GH2: variants seen among roughly 807,000 people sequenced by gnomAD.
GH2 encodes growth hormone 2, also known as growth hormone variant.
A neutral mutation model predicts 24.1 loss-of-function variants in GH2; 17 were observed. That is an observed-to-expected ratio of 0.71 (90% CI 0.48 to 1.06). GH2 has a LOEUF of 1.06. Ranked by LOEUF, GH2 falls within the 50% of genes least tolerant of loss-of-function variation. The pLI, the probability that GH2 is intolerant of heterozygous loss-of-function variation, is 0.00. For missense variants in GH2, 305 were observed against 273.1 expected, an observed-to-expected ratio of 1.12 and a Z score of -0.82; for synonymous variants, 126 against 118.7, an observed-to-expected ratio of 1.06 and a Z score of -0.40.
chr17:63,880,596 C>G (rs542714346), intron 4 of GH2, 78 bp from the exon 5 acceptor site: 1 of 1,613,916 alleles, frequency 6.2e-7, no homozygotes, highest in Admixed American at 1.7e-5. Context: ...CCATTTTCCT[C>G]CCTCCCCTCC....
rs561876872 is a variant in GH2 at position 63,881,840 on chromosome 17, C to G, written c.-39G>C. 1.9e-6 allele frequency: 3 copies of G among 1,613,686 alleles called. No individual in the cohort carries two copies. The highest frequency in any genetic ancestry group is 3.3e-5 in the Admixed American group (2 of 59,996). On this transcript the variant is annotated 5_prime_UTR_variant, in exon 1 of 5. Coordinates refer to ENST00000423893, the MANE Select transcript of GH2 (RefSeq NM_002059.5). ...GCTGTCCACAGGACCCTGAGTGGTT[C>G]GGGGAGTTGGGCCTTGGGATCCTTG...
Position 63,881,818 on chromosome 17 carries a change from G to A in GH2, c.-17C>T. On this transcript the variant is annotated 5_prime_UTR_variant, in exon 1 of 5. Transcript: ENST00000423893. ...TGCAGCCATTGCCGCTAGGTGAGCT[G>A]TCCACAGGACCCTGAGTGGTTCGGG... is the stretch of plus-strand genomic sequence containing the variant. 6.2e-7 allele frequency: 1 copy of A among 1,613,684 alleles called. No individual in the cohort carries two copies. The highest frequency in any genetic ancestry group is 8.5e-7 in the Non-Finnish European group (1 of 1,179,782).
In GH2 at chr17:63,881,938, C is replaced by T. The variant is rs978685297; in HGVS notation, c.-137G>A. 5.7e-5 allele frequency: 90 copies of T among 1,587,356 alleles called. 1 individual carries two copies. The highest frequency in any genetic ancestry group is 7.3e-5 in the Non-Finnish European group (85 of 1,165,750). On this transcript the variant is annotated 5_prime_UTR_variant, in exon 1 of 5. An upstream start codon of the reference 5' UTR is lost. Transcript: ENST00000423893. ...CTGCTTCTCCTCACCTGTTTCTCTG[C>T]ATGTTTAGGCCTGGGGCCACTGACG...
At position 63,880,630 on chromosome 17, in the gene GH2, G is replaced by A. The variant is rs139959045; in HGVS notation, c.457-112C>T. On this transcript the variant is annotated intron_variant, in intron 4 of 4. Transcript: ENST00000423893. ...CCAGGTTGTAGAGAAAGGCCTGGAGGATTCACGAGGGGAAATGAAGAATAC... is the reference window on the plus strand; with the variant it reads ...CCAGGTTGTAGAGAAAGGCCTGGAGAATTCACGAGGGGAAATGAAGAATAC... The A allele has an allele frequency of 4.9e-4, 796 of 1,614,004 alleles. 6 individuals carry two copies. The Middle Eastern group carries it at 6.4e-3, about 13-fold the overall frequency.
chr17:63,880,841 A>G lies in GH2; in HGVS notation c.387T>C (p.Tyr129=), dbSNP rs752745812. The change falls in exon 4 of 5, where the codon TAT becomes TAC. Residue 129 remains tyrosine (Y), a synonymous_variant. Coordinates refer to ENST00000423893, the MANE Select transcript of GH2 (RefSeq NM_002059.5). Reference sequence around the variant, plus strand: ...GATAGACGTTGCTGTCCGAGGCGCCATACACCAGGCTGTTGGCGAAGACGC... The same window carrying G: ...GATAGACGTTGCTGTCCGAGGCGCCGTACACCAGGCTGTTGGCGAAGACGC... The part of the protein sequence containing the change: ...LRSVFANSLV[Y]GASDSNVYRH... 1.6e-5 allele frequency: 26 copies of G among 1,613,940 alleles called. 1 individual carries two copies. The highest frequency in any genetic ancestry group is 1.3e-4 in the East Asian group (6 of 44,894).
rs747299084 is a variant in GH2 at position 63,881,513 on chromosome 17, C to T, written c.17G>A (p.Arg6Gln). Reference protein sequence around the residue: MAAGSRTSLLLAFGLL... With the variant: MAAGSQTSLLLAFGLL... Reference sequence around the variant, plus strand: ...GCCAAAAGCCAGGAGCAGGGACGTCCGGGAGCCTGGGGAGAAACCGGAGGG... The same window carrying T: ...GCCAAAAGCCAGGAGCAGGGACGTCTGGGAGCCTGGGGAGAAACCGGAGGG... Residue 6 changes from arginine to glutamine, a missense_variant, in exon 2 of 5, where the codon CGG becomes CAG. Arg to Gln is a conservative substitution (Grantham distance 43, BLOSUM62 1). Transcript: ENST00000423893. The T allele has an allele frequency of 5.0e-6, 8 of 1,613,674 alleles. No individual in the cohort carries two copies. The highest frequency in any genetic ancestry group is 2.2e-5 in the East Asian group (1 of 44,884).
In GH2 at chr17:63,881,352, A is replaced by G; in HGVS notation, c.171+7T>C. 1 of 1,613,884 alleles carries G rather than the reference A, an allele frequency of 6.2e-7. No homozygotes were observed. Among genetic ancestry groups the G allele is most frequent in the Non-Finnish European group, 8.5e-7 (1 of 1,179,862 alleles). On this transcript the variant is annotated splice_region_variant and intron_variant, in intron 2 of 4. Coordinates refer to ENST00000423893, the MANE Select transcript of GH2 (RefSeq NM_002059.5). ...CTCTGAAGCGCACCCATTACCCAAG[A>G]GCTTACAAACTCCTGATAGGTGTCA...
rs575109957 is a variant in GH2, at chr17:63,881,509, C to T, written c.21G>A (p.Thr7=). 3.9e-4 allele frequency: 630 copies of T among 1,613,824 alleles called. 7 individuals are homozygous for T. In the South Asian group the frequency reaches 6.1e-3, roughly 16 times the overall value. ...GCAGGCCAAAAGCCAGGAGCAGGGACGTCCGGGAGCCTGGGGAGAAACCGG... is the reference window on the plus strand; with the variant it reads ...GCAGGCCAAAAGCCAGGAGCAGGGATGTCCGGGAGCCTGGGGAGAAACCGG... MAAGSR[T]SLLLAFGLLC... is the part of the protein sequence containing the mutation. Residue 7 remains threonine (T), a synonymous_variant, in exon 2 of 5, where the codon ACG becomes ACA. Coordinates refer to ENST00000423893, the MANE Select transcript of GH2 (RefSeq NM_002059.5).
In GH2 at chr17:63,881,038, C is replaced by T; in HGVS notation, c.282G>A (p.Gln94=). The T allele has an allele frequency of 6.2e-7, 1 of 1,614,058 alleles. No homozygotes were observed. The highest frequency in any genetic ancestry group is 8.5e-7 in the Non-Finnish European group (1 of 1,179,944). The change falls in exon 3 of 5, where the codon CAG becomes CAA. Residue 94 remains glutamine, a synonymous_variant. Coordinates refer to ENST00000423893, the MANE Select transcript of GH2 (RefSeq NM_002059.5). Reference sequence around the variant, plus strand: ...GAAGGCATCCACTCACAGATTTCTGCTGCGTTTTCACCCTGTTGGAAGGTG... The same window carrying T: ...GAAGGCATCCACTCACAGATTTCTGTTGCGTTTTCACCCTGTTGGAAGGTG... ...IPTPSNRVKT[Q]QKSNLELLRI... is the part of the protein sequence containing the mutation.
chr17:63,881,604 T>TCC (rs59599680), intron 1 of GH2, 85 bp from the exon 2 acceptor site: 2 of 1,444,200 alleles, frequency 1.4e-6, no homozygotes, highest in African/African-American at 2.8e-5. Flanking sequence ...GTTTTTTTTT[T>TCC]TCTCTCTCTC....
intron 2 of GH2, 64 bp downstream of exon 2, chr17:63,881,295 C>T (rs1905507468): frequency 6.2e-7 from 1 of 1,611,224 alleles, no homozygotes; most frequent in East Asian, 2.2e-5. Context: ...CCCATTACTT[C>T]CCAGCGGGGG....
chr17:63,881,804 C>G lies in GH2; in HGVS notation c.-3G>C. 2 of 1,613,492 alleles carry G rather than the reference C, an allele frequency of 1.2e-6. No individual in the cohort carries two copies. Among genetic ancestry groups the G allele is most frequent in the Non-Finnish European group, 1.7e-6 (2 of 1,179,776 alleles). On this transcript the variant is annotated 5_prime_UTR_variant, in exon 1 of 5. Transcript: ENST00000423893. ...TAGGGGCGCTTACCTGCAGCCATTGCCGCTAGGTGAGCTGTCCACAGGACC... is the reference window on the plus strand; with the variant it reads ...TAGGGGCGCTTACCTGCAGCCATTGGCGCTAGGTGAGCTGTCCACAGGACC...
chr17:63,880,661 G>C (rs1567778988), intron 4 of GH2, 111 bp downstream of exon 4: 2 of 1,614,048 alleles, frequency 1.2e-6, no homozygotes, highest in African/African-American at 2.7e-5. Context: ...AATACGGTGA[G>C]TTCTCTTGGG....
At chr17:63,881,613 T>G in intron 1 of GH2, 94 bp from the exon 2 acceptor site, 3 of 1,601,634 alleles carry the variant, frequency 1.9e-6, no homozygotes, top group African/African-American at 1.4e-5. Context: ...TTTCTCTCTC[T>G]CTCTCTGCCT....
At chr17:63,880,707 T>G in intron 4 of GH2, 65 bp downstream of exon 4, 14 of 1,614,032 alleles carry the variant, frequency 8.7e-6, no homozygotes, top group Non-Finnish European at 1.2e-5. Flanking sequence ...GCAGCAGTGT[T>G]TCTCTCCCCA....
chr17:63,881,706 G>C (rs1905548562), intron 1 of GH2, 86 bp downstream of exon 1: 2 of 1,611,416 alleles, frequency 1.2e-6, no homozygotes, highest in African/African-American at 2.7e-5. Context: ...CCCCAAACCT[G>C]AGGGTTAGTG....
Position 63,880,458 on chromosome 17 carries a change from C to T in GH2, c.517G>A (p.Asp173Asn), listed in dbSNP as rs750329091. 1.9e-6 allele frequency: 3 copies of T among 1,613,820 alleles called. No homozygotes were observed. In the Admixed American group the frequency reaches 5.0e-5, roughly 27 times the overall value. The change falls in exon 5 of 5, where the codon GAC (aspartate) becomes AAC (asparagine). Residue 173 changes from aspartate (D) to asparagine (N), a missense_variant. By Grantham distance (23) the Asp-to-Asn change is conservative. Transcript: ENST00000423893. ...QIFNQSYSKF[D>N]TKSHNDDALL... ...GCGTCATCGTTGTGCGATTTTGTGT[C>T]AAACTTGCTGTAGGACTGATTGAAG...
At chr17:63,881,628 C>T (rs1598376024) in intron 1 of GH2, 109 bp from the exon 2 acceptor site, 2 of 1,604,466 alleles carry the variant, frequency 1.2e-6, no homozygotes, top group East Asian at 2.2e-5. Flanking sequence ...CTGCCTCCCT[C>T]CAGGGACCAG....
rs61764020 is a variant in GH2 at position 63,880,507 on chromosome 17, A to G, written c.468T>C (p.Asp156=). ...GIQTLMWRLE[D]GSPRTGQIFN... is the part of the protein sequence containing the mutation. ...AGATCTGCCCAGTCCGGGGGCTGCC[A>G]TCTTCCAGCCTCTGCAAAGTGAAGG... Residue 156 remains aspartate (D), a synonymous_variant, in exon 5 of 5, where the codon GAT becomes GAC. Coordinates refer to ENST00000423893, the MANE Select transcript of GH2 (RefSeq NM_002059.5). 3,759 of 1,613,846 alleles carry G rather than the reference A, an allele frequency of 2.3e-3. 51 individuals are homozygous for G. The highest frequency in any genetic ancestry group is 7.0e-3 in the South Asian group (637 of 91,068).
Sources: allele counts gnomAD v4.1 joint callset, GRCh38; gene constraint gnomAD v4.1.1; transcripts MANE v1.5; gene names NCBI Gene and HGNC (gene_info 2026-07-23, HGNC 2026-07-21).